The following SLC25A13 variants were observed in gnomAD, a reference collection of about 807,000 sequenced individuals.
The protein encoded by SLC25A13 is electrogenic aspartate/glutamate antiporter SLC25A13, mitochondrial.
SLC25A13 carries 70 observed loss-of-function variants against 85.5 expected under a neutral mutation model. The ratio of observed to expected loss-of-function variants is 0.82; its 90% CI spans 0.68 to 1.00. SLC25A13 has a LOEUF of 1.00. Among genes scored for constraint, SLC25A13 ranks in the 50% least tolerant of loss-of-function variants. The pLI is 0.00. For synonymous variants in SLC25A13, 259 were observed against 288.7 expected, an observed-to-expected ratio of 0.90 and a Z score of 1.04; for missense variants, 765 against 819.8, an observed-to-expected ratio of 0.93 and a Z score of 0.82.
intron 4 of SLC25A13, among the ~76,000 whole-genome samples, 184 bp from the exon 5 acceptor site, chr7:96,209,161 T>C (rs1795586252): frequency 6.6e-6 from 1 of 151,708 alleles, no homozygotes; most frequent in Non-Finnish European, 1.5e-5. Flanking sequence ...GAAATCAAGG[T>C]CAAGAATCCC....
At chr7:96,231,917 G>T (rs1263899988) in intron 4 of SLC25A13, among the ~76,000 whole-genome samples, 1 of 152,036 alleles carries the variant, frequency 6.6e-6, no homozygotes, top group Non-Finnish European at 1.5e-5. Context: ...TCAAAAAATA[G>T]CTGGTGCTAG....
intron 4 of SLC25A13, among the ~76,000 whole-genome samples, chr7:96,224,399 C>T (rs1483692582): frequency 6.6e-6 from 1 of 152,140 alleles, no homozygotes; most frequent in Non-Finnish European, 1.5e-5. Flanking sequence ...GTCGTTGGTG[C>T]CCTGACAACC....
chr7:96,210,345 G>A (rs556434220), intron 4 of SLC25A13, among the ~76,000 whole-genome samples: 4 of 152,072 alleles, frequency 2.6e-5, no homozygotes, highest in African/African-American at 9.6e-5. Flanking sequence ...TAAGATATAA[G>A]GAAAATGAAG....
At chr7:96,230,851 G>A (rs1562862704) in intron 4 of SLC25A13, among the ~76,000 whole-genome samples, 1 of 152,218 alleles carries the variant, frequency 6.6e-6, no homozygotes, top group Non-Finnish European at 1.5e-5. Context: ...GTTCACACCT[G>A]TAATCCCAAC....
intron 7 of SLC25A13, 95 bp downstream of exon 7, chr7:96,191,014 G>A: frequency 1.4e-6 from 2 of 1,399,708 alleles, no homozygotes; most frequent in Non-Finnish European, 2.0e-6. Flanking sequence ...GTGTCAATGG[G>A]ATAGAAAAAT....
chr7:96,278,573 A>C (rs1798546783), intron 2 of SLC25A13, among the ~76,000 whole-genome samples: 1 of 152,228 alleles, frequency 6.6e-6, no homozygotes, highest in Non-Finnish European at 1.5e-5. Context: ...CCTCATTTGC[A>C]AAATGAATAG....
intron 1 of SLC25A13, among the ~76,000 whole-genome samples, chr7:96,306,093 A>G (rs555486023): frequency 4.6e-5 from 7 of 152,288 alleles, no homozygotes; most frequent in South Asian, 4.1e-4. Flanking sequence ...CATTTTACAG[A>G]TGAGGAAACT....
At chr7:96,164,575 T>A (rs1464143176) in intron 13 of SLC25A13, among the ~76,000 whole-genome samples, 1 of 152,222 alleles carries the variant, frequency 6.6e-6, no homozygotes, top group Non-Finnish European at 1.5e-5. Flanking sequence ...TAATCCTTGA[T>A]TCACATCTGG....
At chr7:96,281,888 C>A (rs1798692773) in intron 2 of SLC25A13, among the ~76,000 whole-genome samples, 1 of 152,128 alleles carries the variant, frequency 6.6e-6, no homozygotes, top group African/African-American at 2.4e-5. Context: ...GTAAACATGT[C>A]AAAGGTTGCT....
At chr7:96,166,375 T>C (rs1282734286) in intron 13 of SLC25A13, among the ~76,000 whole-genome samples, 1 of 152,240 alleles carries the variant, frequency 6.6e-6, no homozygotes, top group African/African-American at 2.4e-5. Flanking sequence ...TTACTAAATA[T>C]GGCTTTATAA....
At chr7:96,137,774 G>A (rs1322641642) in intron 14 of SLC25A13, among the ~76,000 whole-genome samples, 1 of 152,098 alleles carries the variant, frequency 6.6e-6, no homozygotes, top group Admixed American at 6.6e-5. Context: ...ACAGGCGTGC[G>A]CCACCATGCC....
intron 1 of SLC25A13, among the ~76,000 whole-genome samples, chr7:96,301,422 T>C (rs998481171): frequency 7.2e-5 from 11 of 152,316 alleles, no homozygotes; most frequent in Admixed American, 3.9e-4. Flanking sequence ...TAAGAATGGA[T>C]TCCAACATTA....
intron 3 of SLC25A13, among the ~76,000 whole-genome samples, chr7:96,246,163 C>T (rs1797181550): frequency 6.6e-6 from 1 of 152,232 alleles, no homozygotes; most frequent in Admixed American, 6.5e-5. Context: ...TCCTTCACTT[C>T]TCTAACCATA....
chr7:96,161,964 C>G (rs2116542576), intron 13 of SLC25A13, among the ~76,000 whole-genome samples: 1 of 152,294 alleles, frequency 6.6e-6, no homozygotes, highest in South Asian at 2.1e-4. Flanking sequence ...TATAGCATCA[C>G]TATAATGCAT....
chr7:96,172,896 C>A (rs1417947128), intron 11 of SLC25A13, among the ~76,000 whole-genome samples: 2 of 152,030 alleles, frequency 1.3e-5, no homozygotes, highest in Non-Finnish European at 2.9e-5. Flanking sequence ...GTAGCTGGGA[C>A]TATAGGCGCC....
At chr7:96,165,477 G>A (rs1489579536) in intron 13 of SLC25A13, among the ~76,000 whole-genome samples, 4 of 152,100 alleles carry the variant, frequency 2.6e-5, no homozygotes, top group Non-Finnish European at 5.9e-5. Context: ...ACAGACATAC[G>A]CAGTATCTGC....
intron 2 of SLC25A13, among the ~76,000 whole-genome samples, chr7:96,287,113 G>A (rs767305689): frequency 1.7e-4 from 26 of 152,272 alleles, no homozygotes; most frequent in Non-Finnish European, 2.2e-4. Flanking sequence ...TAAGAAGCTC[G>A]GCCTGGCACG....
chr7:96,182,664 T>C (rs182259027), intron 11 of SLC25A13, among the ~76,000 whole-genome samples: 234 of 152,290 alleles, frequency 1.5e-3, no homozygotes, highest in Non-Finnish European at 2.3e-3. Flanking sequence ...ACACTTCTAG[T>C]TGCCAACAGT....
intron 13 of SLC25A13, among the ~76,000 whole-genome samples, chr7:96,158,530 G>GT (rs376701957): frequency 6.6e-6 from 1 of 152,164 alleles, no homozygotes; most frequent in African/African-American, 2.4e-5. Context: ...TGAAGAATAT[G>GT]TATCTTGATA....
Sources: allele counts gnomAD v4.1 joint callset (sites outside exome capture counted in the v4.1 genomes callset), GRCh38; gene constraint gnomAD v4.1.1; transcripts MANE v1.5; gene names NCBI Gene and HGNC (gene_info 2026-07-23, HGNC 2026-07-21).